The following RAD51B variants were observed in gnomAD, a reference collection of about 807,000 sequenced individuals.
RAD51B encodes the protein RAD51 paralog B, also known as DNA repair protein RAD51 homolog 2.
In RAD51B, 38 loss-of-function variants were observed where a neutral mutation model predicts 42.2. The observed-to-expected ratio is 0.90, with a 90% CI of 0.70 to 1.18. The LOEUF (loss-of-function observed/expected upper bound fraction) is 1.18. RAD51B is among the 50% of genes most tolerant of loss of function. The probability of loss-of-function intolerance (pLI) is 0.00; values close to 1 mark genes in which losing one functional copy is unlikely to be tolerated. For missense variants in RAD51B, 373 were observed against 400.7 expected (o/e 0.93, Z 0.59); for synonymous variants, 154 against 145.2 (o/e 1.06, Z -0.43).
At chr14:67,831,425 G>T (rs1288218142) in intron 3 of RAD51B, among the ~76,000 whole-genome samples, 1 of 152,200 alleles carries the variant, frequency 6.6e-6, no homozygotes, top group African/African-American at 2.4e-5. Flanking sequence ...TAATGAGTCT[G>T]AGAAGAAGCA....
At chr14:67,998,132 T>A (rs1687173210) in intron 7 of RAD51B, among the ~76,000 whole-genome samples, 1 of 152,234 alleles carries the variant, frequency 6.6e-6, no homozygotes, top group South Asian at 2.1e-4. Flanking sequence ...ATCTGTGTTT[T>A]AATACATCTC....
intron 10 of RAD51B, among the ~76,000 whole-genome samples, chr14:68,640,620 G>A (rs986503417): frequency 6.6e-6 from 1 of 152,216 alleles, no homozygotes; most frequent in African/African-American, 2.4e-5. Context: ...CATGATAAAT[G>A]CAATGATAGT....
chr14:68,300,904 C>G (rs1220641192), intron 8 of RAD51B, among the ~76,000 whole-genome samples: 2 of 152,184 alleles, frequency 1.3e-5, no homozygotes, highest in Non-Finnish European at 2.9e-5. Flanking sequence ...AAGAGGGCAG[C>G]TGGATAACTA....
intron 10 of RAD51B, among the ~76,000 whole-genome samples, chr14:68,559,063 G>A (rs145178649): frequency 4.7e-4 from 71 of 151,102 alleles, no homozygotes; most frequent in African/African-American, 1.7e-3. Flanking sequence ...ATAGGTATTT[G>A]TAATATATAT....
chr14:68,671,873 T>C (rs1341111443), intron 11 of RAD51B, among the ~76,000 whole-genome samples: 2 of 152,020 alleles, frequency 1.3e-5, no homozygotes, highest in Non-Finnish European at 2.9e-5. Context: ...AGAACTATAA[T>C]GTTCAGCAAA....
Position 68,668,781 on chromosome 14 carries a change from C to A in RAD51B, c.*11+17925C>A, listed in dbSNP as rs536233741. ...TCTCTCCCAATCGCTGGTTAAATGA[C>A]CTCAGACACCTGCTGTGCTGAAGGT... On this transcript the variant is annotated intron_variant, in intron 11 of 11. Transcript: ENST00000488612. Among the ~76,000 whole-genome samples, 8 of 152,364 alleles carry A rather than the reference C, an allele frequency of 5.3e-5. No individual in the cohort carries two copies. In the East Asian group the frequency reaches 1.5e-3, roughly 29 times the overall value.
At chr14:68,234,482 A>C (rs1195466370) in intron 7 of RAD51B, among the ~76,000 whole-genome samples, 1 of 152,194 alleles carries the variant, frequency 6.6e-6, no homozygotes, top group African/African-American at 2.4e-5. Context: ...TGCACTTACA[A>C]AAACCTAGAT....
At chr14:67,873,912 G>A (rs1341708752) in intron 5 of RAD51B, among the ~76,000 whole-genome samples, 3 of 144,284 alleles carry the variant, frequency 2.1e-5, no homozygotes, top group African/African-American at 7.8e-5. Context: ...CACAGGAAGG[G>A]GAACATCACA....
At chr14:68,556,119 C>T (rs549377501) in intron 10 of RAD51B, among the ~76,000 whole-genome samples, 7 of 152,324 alleles carry the variant, frequency 4.6e-5, no homozygotes, top group African/African-American at 1.7e-4. Flanking sequence ...AATACCTCAG[C>T]TGCTATTCAC....
chr14:68,257,877 A>C (rs1482167057), intron 7 of RAD51B, among the ~76,000 whole-genome samples: 1 of 152,224 alleles, frequency 6.6e-6, no homozygotes, highest in African/African-American at 2.4e-5. Context: ...GAACCACAAT[A>C]GATTATTAAT....
chr14:68,347,763 C>A (rs900889068), intron 8 of RAD51B, among the ~76,000 whole-genome samples: 1 of 152,202 alleles, frequency 6.6e-6, no homozygotes, highest in Non-Finnish European at 1.5e-5. Flanking sequence ...TCTTAGAGTG[C>A]AGAGAGCTGC....
At chr14:68,438,784 G>C (rs1208723368) in intron 9 of RAD51B, among the ~76,000 whole-genome samples, 1 of 152,162 alleles carries the variant, frequency 6.6e-6, no homozygotes, top group East Asian at 1.9e-4. Flanking sequence ...TTTCAGTAAA[G>C]CGCCTGAGCT....
chr14:67,950,336 G>C (rs986811896), intron 7 of RAD51B, among the ~76,000 whole-genome samples: 1 of 152,198 alleles, frequency 6.6e-6, no homozygotes, highest in Non-Finnish European at 1.5e-5. Context: ...TCCACACTTG[G>C]TGCTTTGCTT....
intron 10 of RAD51B, among the ~76,000 whole-genome samples, chr14:68,476,695 C>T (rs1882642435): frequency 6.6e-6 from 1 of 152,152 alleles, no homozygotes; most frequent in African/African-American, 2.4e-5. Context: ...ATGCTGCTCG[C>T]CAGCCATGCG....
intron 8 of RAD51B, among the ~76,000 whole-genome samples, chr14:68,344,958 A>AC (rs1458277885): frequency 2.6e-5 from 4 of 151,866 alleles, no homozygotes; most frequent in Non-Finnish European, 4.4e-5. Context: ...AAAAAAAAAA[A>AC]AAAAAAAAAC....
At chr14:67,943,072 T>C (rs1056859064) in intron 7 of RAD51B, among the ~76,000 whole-genome samples, 1 of 146,910 alleles carries the variant, frequency 6.8e-6, no homozygotes, top group Non-Finnish European at 1.5e-5. Context: ...AGTAATAGAT[T>C]TAAATATATT....
intron 8 of RAD51B, among the ~76,000 whole-genome samples, chr14:68,388,094 A>ATATATATAT (rs1483952338): frequency 8.4e-6 from 1 of 118,934 alleles, no homozygotes; most frequent in Non-Finnish European, 1.7e-5. Context: ...ATATATATAT[A>ATATATATAT]TTTTTTTTTT....
At chr14:68,241,503 C>T (rs2080386693) in intron 7 of RAD51B, among the ~76,000 whole-genome samples, 1 of 152,120 alleles carries the variant, frequency 6.6e-6, no homozygotes, top group Non-Finnish European at 1.5e-5. Context: ...GATCGCGCCA[C>T]TGCACTCCAG....
intron 5 of RAD51B, among the ~76,000 whole-genome samples, chr14:67,884,886 A>G (rs1270502488): frequency 6.6e-6 from 1 of 152,162 alleles, no homozygotes. Context: ...TTCTGATCAT[A>G]GCAAATGTAA....
Sources: gnomAD v4.1 joint callset for allele counts (sites outside exome capture counted in the v4.1 genomes callset) on GRCh38, gnomAD v4.1.1 for gene constraint, MANE v1.5 for transcripts, NCBI Gene and HGNC (gene_info 2026-07-23, HGNC 2026-07-21) for gene names.